Variants in PATL1 observed in about 807,000 individuals in gnomAD.
PATL1 encodes the protein PAT1 homolog 1, processing body mRNA decay factor, also known as protein PAT1 homolog 1.
A neutral mutation model predicts 100.6 loss-of-function variants in PATL1; 32 were observed. That is an observed-to-expected ratio of 0.32 (90% CI 0.24 to 0.43). The LOEUF (loss-of-function observed/expected upper bound fraction) is 0.43, where lower values mean the gene tolerates loss of function less well. PATL1 is among the 20% of genes least tolerant of loss of function. The pLI is 1.00. For missense variants in PATL1, 747 were observed against 949.9 expected (o/e 0.79, Z 2.81); for synonymous variants, 332 against 330.0 (o/e 1.01, Z -0.07).
intron 16 of PATL1, among the ~76,000 whole-genome samples, chr11:59,640,305 C>A (rs539769995): frequency 1.3e-5 from 2 of 148,894 alleles, no homozygotes; most frequent in Non-Finnish European, 3.0e-5. Context: ...CGCACCATTG[C>A]GCTCCAGCCT....
chr11:59,662,188 T>C (rs745713002), intron 2 of PATL1, among the ~76,000 whole-genome samples: 61 of 152,370 alleles, frequency 4.0e-4, no homozygotes, highest in Non-Finnish European at 7.5e-4. Context: ...GGTTGATTTA[T>C]GTATTAGTTG....
chr11:59,645,534 T>C (rs1298405844), intron 15 of PATL1, among the ~76,000 whole-genome samples: 1 of 151,872 alleles, frequency 6.6e-6, no homozygotes, highest in South Asian at 2.1e-4. Context: ...ACAAAGAACT[T>C]TGTATTATCA....
chr11:59,658,088 C>T (rs1214286406), intron 4 of PATL1, among the ~76,000 whole-genome samples: 1 of 151,212 alleles, frequency 6.6e-6, no homozygotes, highest in African/African-American at 2.4e-5. Flanking sequence ...CACTTGAGCC[C>T]GGAAGTTCAA....
In PATL1 at chr11:59,637,477, A is replaced by C. The variant is rs1861209024; in HGVS notation, c.*913T>G. ...ATGGCTTACTGAAGTAGTCTCAGGA[A>C]GACAGGGCAAGTGTGCAAAAAGCCA... On this transcript the variant is annotated 3_prime_UTR_variant, in exon 19 of 19. Coordinates refer to ENST00000300146, the MANE Select transcript of PATL1 (RefSeq NM_152716.3). The C allele has an allele frequency of 6.5e-6, 1 of 152,676 alleles. No homozygotes were observed. Among genetic ancestry groups the C allele is most frequent in the Non-Finnish European group, 1.5e-5 (1 of 68,052 alleles). 9.5% of individuals were successfully genotyped at this position (152,676 alleles called of 1,614,324 possible).
chr11:59,645,572 G>C (rs1861352928), intron 15 of PATL1, among the ~76,000 whole-genome samples: 1 of 151,924 alleles, frequency 6.6e-6, no homozygotes, highest in Admixed American at 6.6e-5. Flanking sequence ...ACATTTGGTT[G>C]TAATGGAAAG....
At chr11:59,668,789 C>T in intron 1 of PATL1, 92 bp downstream of exon 1, 1 of 675,378 alleles carries the variant, frequency 1.5e-6, no homozygotes, top group South Asian at 1.7e-5. Context: ...CGCCCCCTGC[C>T]CCGCAGGAAC....
Position 59,652,564 on chromosome 11 carries a change from T to C in PATL1, c.1326A>G (p.Lys442=), listed in dbSNP as rs959177223. The C allele has an allele frequency of 3.1e-6, 5 of 1,613,588 alleles. No homozygotes were observed. Among genetic ancestry groups the C allele is most frequent in the Non-Finnish European group, 3.4e-6 (4 of 1,179,798 alleles). Residue 442 remains lysine (K), a synonymous_variant, in exon 11 of 19, where the codon AAA becomes AAG. Transcript: ENST00000300146. ...YYQNYFEKLE[K]LSAAEEIQGD... ...CTTGTATTTCTTCAGCAGCTGACAGTTTCTCCAGTTTTTCAAAGTAATTCT... is the reference window on the plus strand; with the variant it reads ...CTTGTATTTCTTCAGCAGCTGACAGCTTCTCCAGTTTTTCAAAGTAATTCT...
Position 59,656,049 on chromosome 11 carries a change from AGG to A in PATL1, c.724-6_724-5del. The stretch of plus-strand genomic sequence containing the variant: ...GGTGACCCAGGAGGGAAGAGTTCTA[AGG>A]TAAAAAAAAAAAAAAAAAAAAGAAT... On this transcript the variant is annotated splice_polypyrimidine_tract_variant and splice_region_variant and intron_variant, in intron 6 of 18. Transcript: ENST00000300146. 8.0e-7 allele frequency: 1 copy of A among 1,247,396 alleles called. No homozygotes were observed. The highest frequency in any genetic ancestry group is 1.1e-6 in the Non-Finnish European group (1 of 939,128). The allele number at this position is 1,247,396 out of a possible 1,614,324, so 77.3% of individuals were successfully genotyped here.
At chr11:59,656,675 G>C in intron 5 of PATL1, 75 bp from the exon 6 acceptor site, 1 of 1,285,662 alleles carries the variant, frequency 7.8e-7, no homozygotes, top group Non-Finnish European at 1.1e-6. Context: ...CTCCCCTCAA[G>C]TACTGGTAGA....
chr11:59,657,639 C>T lies in PATL1; in HGVS notation c.512G>A (p.Arg171Gln), dbSNP rs927002273. ...TGAAGTTGACCGCCTTGGTAATGCT[C>T]GTTCAGAAAGGTCCCGATCATCTTC... ...GPEDDRDLSE[R>Q]ALPRRSTSPI... is the part of the protein sequence containing the mutation. Residue 171 changes from arginine (R) to glutamine (Q), a missense_variant, in exon 5 of 19, where the codon CGA (arginine) becomes CAA (glutamine). Arg to Gln is a conservative substitution (Grantham distance 43). Coordinates refer to ENST00000300146, the MANE Select transcript of PATL1 (RefSeq NM_152716.3). The T allele has an allele frequency of 5.6e-6, 9 of 1,613,528 alleles. No homozygotes were observed. The highest frequency in any genetic ancestry group is 7.6e-6 in the Non-Finnish European group (9 of 1,179,832).
At position 59,655,625 on chromosome 11, in the gene PATL1, G is replaced by A; in HGVS notation, c.929C>T (p.Pro310Leu). Residue 310 changes from proline to leucine, a missense_variant, in exon 8 of 19, where the codon CCC (proline) becomes CTC (leucine). Pro to Leu is a moderately conservative substitution (Grantham distance 98, BLOSUM62 -3). Transcript: ENST00000300146. Reference protein sequence around the residue: ...LLQGRVGQMLPPAPGFRAFFS... With the variant: ...LLQGRVGQMLLPAPGFRAFFS... ...GAAGGCACGGAAGCCTGGTGCTGGG[G>A]GAAGCATCTGCCCAACTCGCCCTTG... The A allele has an allele frequency of 6.3e-7, 1 of 1,597,208 alleles. No homozygotes were observed. The highest frequency in any genetic ancestry group is 8.5e-7 in the Non-Finnish European group (1 of 1,171,736).
At chr11:59,651,996 T>G (rs1475847488) in intron 11 of PATL1, among the ~76,000 whole-genome samples, 4 of 129,132 alleles carry the variant, frequency 3.1e-5, no homozygotes, top group Non-Finnish European at 6.2e-5. Flanking sequence ...GCCCAGGAGG[T>G]GGAGGTTGCA....
Position 59,655,740 on chromosome 11 carries a change from G to C in PATL1, c.814C>G (p.Leu272Val), listed in dbSNP as rs1163462506. 4 of 1,583,020 alleles carry C rather than the reference G, an allele frequency of 2.5e-6. No individual in the cohort carries two copies. The highest frequency in any genetic ancestry group is 2.6e-6 in the Non-Finnish European group (3 of 1,164,104). ...CTGGGAGACATCCGTCCAGGCTGTA[G>C]CTACAAAGAGGAAGAAGATCTTAGA... ...QRAQLLGGAQLQPGRMSPSQF... is the reference protein window; with the variant it reads ...QRAQLLGGAQVQPGRMSPSQF... Residue 272 changes from leucine to valine, a missense_variant and splice_region_variant, in exon 8 of 19, where the codon CTA becomes GTA. Leu to Val is a conservative substitution (Grantham distance 32). Coordinates refer to ENST00000300146, the MANE Select transcript of PATL1 (RefSeq NM_152716.3).
intron 6 of PATL1, 103 bp from the exon 7 acceptor site, chr11:59,656,148 ACT>A: frequency 1.5e-6 from 1 of 674,268 alleles, no homozygotes. Flanking sequence ...GGATATAAAA[ACT>A]CTCAAATTAC....
At chr11:59,640,463 T>TA (rs1223709998) in intron 16 of PATL1, among the ~76,000 whole-genome samples, 2 of 152,102 alleles carry the variant, frequency 1.3e-5, no homozygotes, top group Non-Finnish European at 2.9e-5. Context: ...CTCATGCATG[T>TA]AATCCCAGCA....
chr11:59,639,014 AGTGAGAT>A, intron 18 of PATL1, 27 bp downstream of exon 18: 1 of 1,603,988 alleles, frequency 6.2e-7, no homozygotes, highest in Non-Finnish European at 8.5e-7. Flanking sequence ...TCCCAACTTT[AGTGAGAT>A]GTGAAACTCT....
rs765326781 is a variant in PATL1, at chr11:59,642,909, G to T, written c.2020C>A (p.Pro674Thr). 4.3e-6 allele frequency: 7 copies of T among 1,613,936 alleles called. No individual in the cohort carries two copies. The Admixed American group carries it at 8.3e-5, about 19-fold the overall frequency. Reference sequence around the variant, plus strand: ...TTCTGGAGCACAGCAGTGAGGTGAGGATTGGAGAGTGCTGGTGTAGCTGCA... The same window carrying T: ...TTCTGGAGCACAGCAGTGAGGTGAGTATTGGAGAGTGCTGGTGTAGCTGCA... ...QSAATPALSNPHLTAVLQNKF... is the reference protein window; with the variant it reads ...QSAATPALSNTHLTAVLQNKF... The change falls in exon 16 of 19, where the codon CCT (proline) becomes ACT (threonine). Residue 674 changes from proline to threonine, a missense_variant. By Grantham distance (38) the Pro-to-Thr change is conservative. Transcript: ENST00000300146.
intron 8 of PATL1, 111 bp downstream of exon 8, chr11:59,655,412 T>C (rs1861513374): frequency 1.9e-6 from 2 of 1,029,718 alleles, no homozygotes; most frequent in Admixed American, 6.1e-5. Flanking sequence ...GAGGATCCAA[T>C]AACATCTTAA....
chr11:59,652,798 G>T, intron 10 of PATL1, 40 bp downstream of exon 10: 1 of 1,594,914 alleles, frequency 6.3e-7, no homozygotes, highest in South Asian at 1.1e-5. Context: ...CAGTGTAGGG[G>T]ACCAAACTAT....
Sources: allele counts gnomAD v4.1 joint callset (sites outside exome capture counted in the v4.1 genomes callset), GRCh38; gene constraint gnomAD v4.1.1; transcripts MANE v1.5; gene names NCBI Gene and HGNC (gene_info 2026-07-23, HGNC 2026-07-21).